Variants in SMCR8 observed in about 807,000 individuals in gnomAD.
SMCR8 encodes the protein SMCR8-C9orf72 complex subunit, also known as guanine nucleotide exchange protein SMCR8.
SMCR8 carries 30 observed loss-of-function variants against 56.6 expected under a neutral mutation model. That is an observed-to-expected ratio of 0.53 (90% CI 0.40 to 0.72). The LOEUF (loss-of-function observed/expected upper bound fraction) is 0.72, where lower values mean the gene tolerates loss of function less well. Among genes scored for constraint, SMCR8 ranks in the 30% least tolerant of loss-of-function variants. SMCR8 has a pLI of 0.00. For missense variants in SMCR8, 1,198 were observed against 1,157.0 expected (o/e 1.04, Z -0.51); for synonymous variants, 538 against 456.0 (o/e 1.18, Z -2.29).
rs972222006 is a variant in SMCR8, at chr17:18,316,650, T to C, written c.861T>C (p.Pro287=). Residue 287 remains proline (P), a synonymous_variant, in exon 1 of 2, where the codon CCT becomes CCC. Coordinates refer to ENST00000406438, the MANE Select transcript of SMCR8 (RefSeq NM_144775.3). The part of the protein sequence containing the change: ...QASQASTTSN[P]DESADTDLYT... ...GCCAGGCATCCACTACCTCTAACCCTGATGAGTCTGCCGACACAGACCTTT... is the reference window on the plus strand; with the variant it reads ...GCCAGGCATCCACTACCTCTAACCCCGATGAGTCTGCCGACACAGACCTTT... The C allele has an allele frequency of 1.2e-6, 2 of 1,614,164 alleles. No homozygotes were observed. Among genetic ancestry groups the C allele is most frequent in the African/African-American group, 2.7e-5 (2 of 75,032 alleles).
chr17:18,320,852 C>G (rs886730216), intron 1 of SMCR8, among the ~76,000 whole-genome samples: 1 of 152,204 alleles, frequency 6.6e-6, no homozygotes, highest in Non-Finnish European at 1.5e-5. Flanking sequence ...CTCCTCAGTC[C>G]CTAGAGCCCA....
chr17:18,317,946 T>C lies in SMCR8; in HGVS notation c.2157T>C (p.Phe719=), dbSNP rs1354691766. The C allele has an allele frequency of 4.3e-6, 7 of 1,614,180 alleles. No individual in the cohort carries two copies. The highest frequency in any genetic ancestry group is 5.9e-6 in the Non-Finnish European group (7 of 1,180,032). The change falls in exon 1 of 2, where the codon TTT becomes TTC. Residue 719 remains phenylalanine, a synonymous_variant. Transcript: ENST00000406438. ...TAAAATTCATCCGCCAGTACCCCTT[T>C]GCCCACCCAGCCATCTACTCCCTGC... ...NALKFIRQYP[F]AHPAIYSLLS...
chr17:18,315,587 C>T lies in SMCR8; in HGVS notation c.-203C>T, dbSNP rs995815411. The T allele has an allele frequency of 1.5e-5, 8 of 543,670 alleles. No homozygotes were observed. Among genetic ancestry groups the T allele is most frequent in the Middle Eastern group, 4.8e-4 (1 of 2,064 alleles). 33.7% of individuals were successfully genotyped at this position (543,670 alleles called of 1,614,324 possible). A position where few individuals can be genotyped will look rare whatever the true frequency, so the allele number is the denominator to read the frequency against. ...GGCGTTCATGAGGCCTCAGAGAGCT[C>T]CGGAGGAGCTACAACTGTGAGGGGG... On this transcript the variant is annotated 5_prime_UTR_variant, in exon 1 of 2. Transcript: ENST00000406438.
In SMCR8 at chr17:18,315,691, G is replaced by A; in HGVS notation, c.-99G>A. On this transcript the variant is annotated 5_prime_UTR_variant, in exon 1 of 2. Transcript: ENST00000406438. ...CGGGGAGTCGCAAAGAAGGCCGTAAGGGCTTCACTTCCTTCTCCGGAGGCC... is the reference window on the plus strand; with the variant it reads ...CGGGGAGTCGCAAAGAAGGCCGTAAAGGCTTCACTTCCTTCTCCGGAGGCC... 8.4e-7 allele frequency: 1 copy of A among 1,187,426 alleles called. No individual in the cohort carries two copies. The highest frequency in any genetic ancestry group is 2.3e-5 in the East Asian group (1 of 42,636). 73.6% of individuals were successfully genotyped at this position (1,187,426 alleles called of 1,614,324 possible).
At position 18,315,785 on chromosome 17, in the gene SMCR8, G is replaced by T; in HGVS notation, c.-5G>T. 6.4e-7 allele frequency: 1 copy of T among 1,573,024 alleles called. No homozygotes were observed. The highest frequency in any genetic ancestry group is 1.1e-5 in the South Asian group (1 of 87,148). On this transcript the variant is annotated 5_prime_UTR_variant, in exon 1 of 2. Transcript: ENST00000406438. ...TCTCAATGTTTTCTTCATATATCTG[G>T]AAATATGATCAGCGCCCCTGACGTA... is the stretch of plus-strand genomic sequence containing the variant.
chr17:18,323,819 G>A lies in SMCR8; in HGVS notation c.*749G>A, dbSNP rs1432502478. 1 of 152,542 alleles carries A rather than the reference G, an allele frequency of 6.6e-6. No homozygotes were observed. Among genetic ancestry groups the A allele is most frequent in the African/African-American group, 2.4e-5 (1 of 41,480 alleles). The allele number at this position is 152,542 out of a possible 1,614,324, so 9.4% of individuals were successfully genotyped here. On this transcript the variant is annotated 3_prime_UTR_variant, in exon 2 of 2. Coordinates refer to ENST00000406438, the MANE Select transcript of SMCR8 (RefSeq NM_144775.3). ...GTGTTCACTAGTCCTAGTGTGAAGC[G>A]GGCACAAGTGACCAAAGCCAATGGT...
chr17:18,315,927 A>G lies in SMCR8; in HGVS notation c.138A>G (p.Ser46=), dbSNP rs766941750. ...CCAGTCAGGGTGCTAACCCCTGGTC[A>G]AAACTGTCCGGGGCCAAGTTTTCGA... The part of the protein sequence containing the change: ...PFASQGANPW[S]KLSGAKFSRD... The change falls in exon 1 of 2, where the codon TCA becomes TCG. Residue 46 remains serine (S), a synonymous_variant. Transcript: ENST00000406438. 1.9e-6 allele frequency: 3 copies of G among 1,614,066 alleles called. No individual in the cohort carries two copies. The highest frequency in any genetic ancestry group is 1.7e-6 in the Non-Finnish European group (2 of 1,180,042).
Position 18,315,686 on chromosome 17 carries a change from C to G in SMCR8, c.-104C>G. The stretch of plus-strand genomic sequence containing the variant: ...GGGTTCGGGGAGTCGCAAAGAAGGC[C>G]GTAAGGGCTTCACTTCCTTCTCCGG... On this transcript the variant is annotated 5_prime_UTR_variant, in exon 1 of 2. Transcript: ENST00000406438. 2 of 1,136,072 alleles carry G rather than the reference C, an allele frequency of 1.8e-6. No homozygotes were observed. Among genetic ancestry groups the G allele is most frequent in the Non-Finnish European group, 2.5e-6 (2 of 800,108 alleles). The allele number at this position is 1,136,072 out of a possible 1,614,324, so 70.4% of individuals were successfully genotyped here.
Position 18,315,886 on chromosome 17 carries a change from C to T in SMCR8, c.97C>T (p.Pro33Ser), listed in dbSNP as rs1469187851. 6.2e-7 allele frequency: 1 copy of T among 1,614,004 alleles called. No homozygotes were observed. The highest frequency in any genetic ancestry group is 2.2e-5 in the East Asian group (1 of 44,884). Residue 33 changes from proline to serine, a missense_variant, in exon 1 of 2, where the codon CCG becomes TCG. Physicochemically the swap from Pro to Ser is moderately conservative, Grantham distance 74. Coordinates refer to ENST00000406438, the MANE Select transcript of SMCR8 (RefSeq NM_144775.3). The stretch of plus-strand genomic sequence containing the variant: ...GGCCCTGCCTGAGGAGTACTCGGTG[C>T]CGCTCTTCCCCTTCGCCAGTCAGGG... Reference protein sequence around the residue: ...EPALPEEYSVPLFPFASQGAN... With the variant: ...EPALPEEYSVSLFPFASQGAN...
chr17:18,317,448 A>C lies in SMCR8; in HGVS notation c.1659A>C (p.Gly553=). The C allele has an allele frequency of 6.2e-7, 1 of 1,614,122 alleles. No individual in the cohort carries two copies. Among genetic ancestry groups the C allele is most frequent in the Non-Finnish European group, 8.5e-7 (1 of 1,180,032 alleles). The change falls in exon 1 of 2, where the codon GGA becomes GGC. Residue 553 remains glycine, a synonymous_variant. Coordinates refer to ENST00000406438, the MANE Select transcript of SMCR8 (RefSeq NM_144775.3). ...AATCATATCCAGATGGCAATGAAGGAGCCATCCGCTTCCAGGCAAGCATCA... is the reference window on the plus strand; with the variant it reads ...AATCATATCCAGATGGCAATGAAGGCGCCATCCGCTTCCAGGCAAGCATCA... ...EEESYPDGNE[G]AIRFQASISP... is the part of the protein sequence containing the mutation.
At chr17:18,320,626 C>T (rs1982469743) in intron 1 of SMCR8, among the ~76,000 whole-genome samples, 1 of 152,224 alleles carries the variant, frequency 6.6e-6, no homozygotes. Flanking sequence ...TCCCGGAACA[C>T]AGGGGCCATG....
At position 18,316,662 on chromosome 17, in the gene SMCR8, C is replaced by T. The variant is rs150121253; in HGVS notation, c.873C>T (p.Ala291=). The change falls in exon 1 of 2, where the codon GCC becomes GCT. Residue 291 remains alanine, a synonymous_variant. Transcript: ENST00000406438. ...CTACCTCTAACCCTGATGAGTCTGCCGACACAGACCTTTACACCTGCAGAC... is the reference window on the plus strand; with the variant it reads ...CTACCTCTAACCCTGATGAGTCTGCTGACACAGACCTTTACACCTGCAGAC... ...ASTTSNPDES[A]DTDLYTCRPA... is the part of the protein sequence containing the mutation. The T allele has an allele frequency of 2.7e-3, 4,319 of 1,614,112 alleles. 13 individuals carry two copies. The highest frequency in any genetic ancestry group is 3.2e-3 in the Non-Finnish European group (3,731 of 1,180,026).
chr17:18,317,534 ACTC>A lies in SMCR8; in HGVS notation c.1751_1753del (p.Ser584del), dbSNP rs750622248. The stretch of plus-strand genomic sequence containing the variant: ...ATAGAAAACACCCCATCACAAATAG[ACTC>A]CTCCTGCTGTATTGGGAAGGAGAGC... On this transcript the variant is annotated inframe_deletion, in exon 1 of 2. Coordinates refer to ENST00000406438, the MANE Select transcript of SMCR8 (RefSeq NM_144775.3). 4 of 1,613,306 alleles carry A rather than the reference ACTC, an allele frequency of 2.5e-6. No individual in the cohort carries two copies. Among genetic ancestry groups the A allele is most frequent in the Non-Finnish European group, 3.4e-6 (4 of 1,179,878 alleles).
At position 18,322,995 on chromosome 17, in the gene SMCR8, C is replaced by T. The variant is rs1286038878; in HGVS notation, c.2739C>T (p.Tyr913=). The change falls in exon 2 of 2, where the codon TAC becomes TAT. Residue 913 remains tyrosine (Y), a synonymous_variant. Transcript: ENST00000406438. The stretch of plus-strand genomic sequence containing the variant: ...TGGCTGAGCTGCTGAAGCTGCACTA[C>T]ATGCAGGAATCTCCAGGGACCAGCC... ...QYLAELLKLH[Y]MQESPGTSHP... 6.2e-7 allele frequency: 1 copy of T among 1,614,208 alleles called. No homozygotes were observed. The highest frequency in any genetic ancestry group is 2.2e-5 in the East Asian group (1 of 44,886).
Position 18,322,741 on chromosome 17 carries a change from C to T in SMCR8, c.2485C>T (p.Arg829Cys), listed in dbSNP as rs764521171. ...CPLYRGTLVP[R>C]LADHRTQIKR... Reference sequence around the variant, plus strand: ...CCTTTACAGAGGCACCCTGGTGCCCCGCCTGGCAGACCACCGCACACAGAT... The same window carrying T: ...CCTTTACAGAGGCACCCTGGTGCCCTGCCTGGCAGACCACCGCACACAGAT... The change falls in exon 2 of 2, where the codon CGC (arginine) becomes TGC (cysteine). Residue 829 changes from arginine (R) to cysteine (C), a missense_variant. Physicochemically the swap from Arg to Cys is radical, Grantham distance 180. Transcript: ENST00000406438. The T allele has an allele frequency of 2.4e-5, 39 of 1,614,054 alleles. No homozygotes were observed. Among genetic ancestry groups the T allele is most frequent in the South Asian group, 5.5e-5 (5 of 91,084 alleles).
rs1982236862 is a variant in SMCR8 at position 18,315,715 on chromosome 17, C to T, written c.-75C>T. 7.2e-7 allele frequency: 1 copy of T among 1,397,314 alleles called. No individual in the cohort carries two copies. Among genetic ancestry groups the T allele is most frequent in the African/African-American group, 1.4e-5 (1 of 69,448 alleles). The allele number at this position is 1,397,314 out of a possible 1,614,324, so 86.6% of individuals were successfully genotyped here. Reference sequence around the variant, plus strand: ...AGGGCTTCACTTCCTTCTCCGGAGGCCTGCCTTCTGCGCGTCGATTAACAC... The same window carrying T: ...AGGGCTTCACTTCCTTCTCCGGAGGTCTGCCTTCTGCGCGTCGATTAACAC... On this transcript the variant is annotated 5_prime_UTR_variant, in exon 1 of 2. Coordinates refer to ENST00000406438, the MANE Select transcript of SMCR8 (RefSeq NM_144775.3).
Position 18,316,961 on chromosome 17 carries a change from C to G in SMCR8, c.1172C>G (p.Ser391Cys), listed in dbSNP as rs1330923569. Residue 391 changes from serine (S) to cysteine (C), a missense_variant, in exon 1 of 2, where the codon TCT becomes TGT. Coordinates refer to ENST00000406438, the MANE Select transcript of SMCR8 (RefSeq NM_144775.3). Reference protein sequence around the residue: ...RMVEKQESIPSKPSQDRPPSS... With the variant: ...RMVEKQESIPCKPSQDRPPSS... Reference sequence around the variant, plus strand: ...GTGGAGAAACAAGAAAGCATACCCTCTAAGCCCAGTCAAGACAGGCCGCCT... The same window carrying G: ...GTGGAGAAACAAGAAAGCATACCCTGTAAGCCCAGTCAAGACAGGCCGCCT... The G allele has an allele frequency of 2.2e-5, 36 of 1,614,198 alleles. No individual in the cohort carries two copies. The highest frequency in any genetic ancestry group is 3.1e-5 in the Non-Finnish European group (36 of 1,180,030).
At position 18,316,321 on chromosome 17, in the gene SMCR8, A is replaced by G. The variant is rs747605576; in HGVS notation, c.532A>G (p.Arg178Gly). 1 of 1,614,180 alleles carries G rather than the reference A, an allele frequency of 6.2e-7. No homozygotes were observed. The highest frequency in any genetic ancestry group is 8.5e-7 in the Non-Finnish European group (1 of 1,180,044). ...QFQELSAEFS[R>G]ASECLKTGNR... The stretch of plus-strand genomic sequence containing the variant: ...CCAGGAGCTTTCAGCCGAATTTTCC[A>G]GAGCTTCTGAGTGCTTGAAGACTGG... Residue 178 changes from arginine (R) to glycine (G), a missense_variant, in exon 1 of 2, where the codon AGA becomes GGA. By Grantham distance (125) the Arg-to-Gly change is moderately radical. Transcript: ENST00000406438.
intron 1 of SMCR8, among the ~76,000 whole-genome samples, chr17:18,320,105 A>C (rs969733459): frequency 6.6e-6 from 1 of 152,248 alleles, no homozygotes; most frequent in African/African-American, 2.4e-5. Flanking sequence ...AGAAAGTGCT[A>C]GCCTAGCGTG....
Sources: allele counts gnomAD v4.1 joint callset (sites outside exome capture counted in the v4.1 genomes callset), GRCh38; gene constraint gnomAD v4.1.1; transcripts MANE v1.5; gene names NCBI Gene and HGNC (gene_info 2026-07-23, HGNC 2026-07-21).